The following GABRB1 variants were observed in gnomAD, a reference collection of about 807,000 sequenced individuals.
GABRB1 encodes the protein gamma-aminobutyric acid type A receptor subunit beta1.
A neutral mutation model predicts 51.6 loss-of-function variants in GABRB1; 17 were observed. The ratio of observed to expected loss-of-function variants is 0.33; its 90% CI spans 0.23 to 0.49. GABRB1 has a LOEUF of 0.49. Ranked by LOEUF, GABRB1 falls within the 20% of genes least tolerant of loss-of-function variation. The probability of loss-of-function intolerance (pLI) is 0.99; values close to 1 mark genes in which losing one functional copy is unlikely to be tolerated. For missense variants in GABRB1, 410 were observed against 600.6 expected (o/e 0.68, Z 3.32); for synonymous variants, 247 against 218.9 (o/e 1.13, Z -1.14).
chr4:47,130,747 C>T (rs923968573), intron 3 of GABRB1, among the ~76,000 whole-genome samples: 2 of 152,150 alleles, frequency 1.3e-5, no homozygotes, highest in African/African-American at 4.8e-5. Context: ...ATCTCATAAC[C>T]TCCAAGCACC....
chr4:47,000,066 A>C (rs1487690381), intron 1 of GABRB1, among the ~76,000 whole-genome samples: 3 of 152,192 alleles, frequency 2.0e-5, no homozygotes, highest in Non-Finnish European at 4.4e-5. Flanking sequence ...AATTGCAATA[A>C]AAACTTCTCT....
upstream of GABRB1, among the ~76,000 whole-genome samples, chr4:47,027,319 T>A (rs1390559175): frequency 6.6e-6 from 1 of 151,200 alleles, no homozygotes; most frequent in Non-Finnish European, 1.5e-5. Flanking sequence ...CCAGAAAAAA[T>A]TGCAATATGA....
At chr4:47,371,449 A>G (rs1030272865) in intron 5 of GABRB1, among the ~76,000 whole-genome samples, 3 of 152,212 alleles carry the variant, frequency 2.0e-5, no homozygotes, top group African/African-American at 7.2e-5. Flanking sequence ...TTGAGTATAT[A>G]CCCAGTAATG....
chr4:47,262,754 T>C (rs1213033209), intron 4 of GABRB1, among the ~76,000 whole-genome samples: 3 of 152,144 alleles, frequency 2.0e-5, no homozygotes, highest in Non-Finnish European at 4.4e-5. Flanking sequence ...CATATGTTTA[T>C]TGCAGCACTA....
intron 3 of GABRB1, among the ~76,000 whole-genome samples, chr4:47,117,560 A>C (rs1715558785): frequency 6.6e-6 from 1 of 152,192 alleles, no homozygotes; most frequent in African/African-American, 2.4e-5. Context: ...CTCAGGGAAA[A>C]CAATAGTTTT....
At chr4:47,078,198 A>G (rs1459811882) in intron 3 of GABRB1, among the ~76,000 whole-genome samples, 3 of 151,458 alleles carry the variant, frequency 2.0e-5, no homozygotes, top group African/African-American at 7.3e-5. Flanking sequence ...CCTGTTGGTC[A>G]GGCTGGTCTC....
At chr4:47,199,600 G>A (rs1719821361) in intron 4 of GABRB1, among the ~76,000 whole-genome samples, 1 of 152,164 alleles carries the variant, frequency 6.6e-6, no homozygotes, top group Non-Finnish European at 1.5e-5. Flanking sequence ...GAAGGGAAGG[G>A]TGACTCTGAG....
chr4:47,167,284 A>C (rs1718230377), intron 4 of GABRB1, among the ~76,000 whole-genome samples: 1 of 152,000 alleles, frequency 6.6e-6, no homozygotes, highest in South Asian at 2.1e-4. Context: ...GGTTGCATAC[A>C]CTTATTCTCT....
At chr4:47,004,178 G>T (rs763976263) in intron 1 of GABRB1, among the ~76,000 whole-genome samples, 1 of 151,994 alleles carries the variant, frequency 6.6e-6, no homozygotes, top group East Asian at 1.9e-4. Context: ...TAGTAGAGAC[G>T]GGGTTTCACC....
intron 3 of GABRB1, among the ~76,000 whole-genome samples, chr4:47,134,473 A>G (rs1219730537): frequency 3.9e-5 from 6 of 152,180 alleles, no homozygotes; most frequent in Non-Finnish European, 5.9e-5. Context: ...ATGAAATAAA[A>G]ATTTCAAATA....
chr4:47,035,903 T>C (rs1402897048), intron 3 of GABRB1, among the ~76,000 whole-genome samples: 1 of 152,194 alleles, frequency 6.6e-6, no homozygotes, highest in Non-Finnish European at 1.5e-5. Context: ...GCTGTTCCTT[T>C]TTATTCAAGA....
intron 4 of GABRB1, among the ~76,000 whole-genome samples, chr4:47,293,052 A>G (rs569224421): frequency 2.0e-4 from 31 of 152,346 alleles, no homozygotes; most frequent in African/African-American, 7.0e-4. Flanking sequence ...ATTTATATCA[A>G]TAACAATTTA....
At chr4:47,352,228 T>A (rs1393170406) in intron 5 of GABRB1, among the ~76,000 whole-genome samples, 1 of 152,138 alleles carries the variant, frequency 6.6e-6, no homozygotes, top group Non-Finnish European at 1.5e-5. Context: ...AGAAGTTGAA[T>A]CTCTGAATAA....
chr4:47,252,696 C>T (rs995851114), intron 4 of GABRB1, among the ~76,000 whole-genome samples: 7 of 151,542 alleles, frequency 4.6e-5, no homozygotes, highest in African/African-American at 7.3e-5. Flanking sequence ...TTAGTAGAGA[C>T]GGGCTTTCAC....
intron 4 of GABRB1, among the ~76,000 whole-genome samples, chr4:47,303,344 T>C (rs147910941): frequency 4.4e-4 from 65 of 147,570 alleles, no homozygotes; most frequent in Non-Finnish European, 8.1e-4. Context: ...ACTTTAAATG[T>C]TTAAGGTGAA....
intron 5 of GABRB1, among the ~76,000 whole-genome samples, chr4:47,400,921 CTTTTTTTTTTTTTTTT>C (rs71195629): frequency 1.0e-5 from 1 of 98,542 alleles, no homozygotes; most frequent in Admixed American, 1.3e-4. Context: ...TTGTTCTTCT[CTTTTTTTTTTTTTTTT>C]TTTTTTTTTG....
At chr4:47,312,916 A>G (rs1724756489) in intron 4 of GABRB1, among the ~76,000 whole-genome samples, 1 of 152,038 alleles carries the variant, frequency 6.6e-6, no homozygotes, top group African/African-American at 2.4e-5. Flanking sequence ...GGGCTTTTGG[A>G]TTATGTTTTG....
At chr4:47,090,280 T>C (rs1470037187) in intron 3 of GABRB1, among the ~76,000 whole-genome samples, 1 of 152,374 alleles carries the variant, frequency 6.6e-6, no homozygotes, top group Non-Finnish European at 1.5e-5. Flanking sequence ...AAGCAGCTTT[T>C]CTTACAATAG....
intron 3 of GABRB1, among the ~76,000 whole-genome samples, chr4:47,150,644 T>TAC (rs1443429157): frequency 5.4e-4 from 41 of 76,572 alleles, no homozygotes; most frequent in Middle Eastern, 0.017. Flanking sequence ...AAGCCACATA[T>TAC]ATATACACAC....
Sources: allele counts gnomAD v4.1 joint callset (sites outside exome capture counted in the v4.1 genomes callset), GRCh38; gene constraint gnomAD v4.1.1; transcripts MANE v1.5; gene names NCBI Gene and HGNC (gene_info 2026-07-23, HGNC 2026-07-21).